Variants in LGR6 observed in about 807,000 individuals in gnomAD.
LGR6 encodes the protein leucine rich repeat containing G protein-coupled receptor 6.
LGR6 carries 45 observed loss-of-function variants against 69.4 expected under a neutral mutation model. The observed-to-expected ratio is 0.65, with a 90% CI of 0.51 to 0.83. The LOEUF (loss-of-function observed/expected upper bound fraction) is 0.83, where lower values mean the gene tolerates loss of function less well. Ranked by LOEUF, LGR6 falls within the 40% of genes least tolerant of loss-of-function variation. The probability of loss-of-function intolerance (pLI) is 0.00; values close to 1 mark genes in which losing one functional copy is unlikely to be tolerated. For missense variants in LGR6, 1,108 were observed against 1,246.7 expected, an observed-to-expected ratio of 0.89 and a Z score of 1.68; for synonymous variants, 538 against 555.0, an observed-to-expected ratio of 0.97 and a Z score of 0.43.
chr1:202,224,182 T>C (rs1251848811), intron 1 of LGR6, among the ~76,000 whole-genome samples: 2 of 152,046 alleles, frequency 1.3e-5, no homozygotes, highest in Non-Finnish European at 2.9e-5. Context: ...GAGATAATGA[T>C]GGAAGCTAAT....
At chr1:202,266,848 T>A (rs1664704107) in intron 4 of LGR6, among the ~76,000 whole-genome samples, 2 of 152,032 alleles carry the variant, frequency 1.3e-5, no homozygotes, top group Admixed American at 1.3e-4. Flanking sequence ...TTCCCTCAAC[T>A]CTTGGTGCAC....
intron 1 of LGR6, among the ~76,000 whole-genome samples, chr1:202,218,490 G>A (rs1659932180): frequency 6.6e-6 from 1 of 152,136 alleles, no homozygotes; most frequent in African/African-American, 2.4e-5. Context: ...TAGGGATGAG[G>A]TCTCGCAATG....
At chr1:202,217,187 T>C (rs1195067846) in intron 1 of LGR6, among the ~76,000 whole-genome samples, 1 of 152,228 alleles carries the variant, frequency 6.6e-6, no homozygotes, top group Non-Finnish European at 1.5e-5. Context: ...TGGCATGCTG[T>C]TGCTGTCAGA....
intron 1 of LGR6, among the ~76,000 whole-genome samples, chr1:202,211,140 C>T (rs1302058575): frequency 2.6e-5 from 4 of 152,334 alleles, no homozygotes; most frequent in East Asian, 1.9e-4. Context: ...CACCAAAGCC[C>T]ATGGCCATGC....
chr1:202,232,276 A>G (rs1398955095), intron 3 of LGR6, among the ~76,000 whole-genome samples: 7 of 152,080 alleles, frequency 4.6e-5, no homozygotes, highest in Non-Finnish European at 1.0e-4. Context: ...CCACAGGTGG[A>G]TCACCTCTTT....
chr1:202,296,697 T>C (rs1016679302), intron 6 of LGR6, among the ~76,000 whole-genome samples: 10 of 152,366 alleles, frequency 6.6e-5, no homozygotes, highest in African/African-American at 2.4e-4. Context: ...CTGTGGTCAC[T>C]TATGGGTCAA....
intron 11 of LGR6, 149 bp downstream of exon 11, chr1:202,304,779 G>GT: frequency 1.9e-6 from 1 of 517,890 alleles, no homozygotes; most frequent in Non-Finnish European, 3.4e-6. Context: ...TACCCCAGAA[G>GT]GACCGGGTTT....
At position 202,223,032 on chromosome 1, in the gene LGR6, C is replaced by T. The variant is rs141771919; in HGVS notation, c.213-2391C>T. Among the ~76,000 whole-genome samples the T allele has an allele frequency of 2.9e-3, 438 of 150,362 alleles. 5 individuals carry two copies. Among genetic ancestry groups the T allele is most frequent in the Non-Finnish European group, 5.2e-4 (35 of 67,474 alleles). ...AGGAGAATCACTTGAGCCCCGGAGG[C>T]GAAGGTTGCAGTGAGCCGAGATCAC... On this transcript the variant is annotated intron_variant, in intron 1 of 17. Coordinates refer to ENST00000367278, the MANE Select transcript of LGR6 (RefSeq NM_001017403.2).
chr1:202,207,867 A>G (rs1659312698), intron 1 of LGR6, among the ~76,000 whole-genome samples: 1 of 152,228 alleles, frequency 6.6e-6, no homozygotes, highest in African/African-American at 2.4e-5. Context: ...ACCTGTGAAT[A>G]TGTATTAAGT....
At chr1:202,202,103 T>C (rs1333771685) in intron 1 of LGR6, among the ~76,000 whole-genome samples, 1 of 152,004 alleles carries the variant, frequency 6.6e-6, no homozygotes, top group Admixed American at 6.6e-5. Flanking sequence ...GAGAAGAGGC[T>C]TGAGTCCTGA....
At chr1:202,232,926 ACCTT>A (rs1661212018) in intron 3 of LGR6, among the ~76,000 whole-genome samples, 1 of 152,064 alleles carries the variant, frequency 6.6e-6, no homozygotes, top group African/African-American at 2.4e-5. Context: ...TTTCCTTCCA[ACCTT>A]TATAACCCAG....
intron 4 of LGR6, among the ~76,000 whole-genome samples, chr1:202,248,764 G>T (rs1279067698): frequency 6.6e-6 from 1 of 152,188 alleles, no homozygotes; most frequent in African/African-American, 2.4e-5. Context: ...AAAAGGACAA[G>T]TCCAGCTCTC....
Position 202,276,483 on chromosome 1 carries a change from C to T in LGR6, c.606C>T (p.Pro202=), listed in dbSNP as rs773251325. 47 of 1,614,032 alleles carry T rather than the reference C, an allele frequency of 2.9e-5. No individual in the cohort carries two copies. In the South Asian group the frequency reaches 4.7e-4, roughly 16 times the overall value. Residue 202 remains proline, a synonymous_variant, in exon 5 of 18, where the codon CCC becomes CCT. Transcript: ENST00000367278. ...CCCTCAACCGCATCAGCCACATCCC[C>T]GACTACGCGTTCCAGAATCTCACCA... is the stretch of plus-strand genomic sequence containing the variant. ...TLALNRISHI[P]DYAFQNLTSL...
chr1:202,236,661 C>T (rs1488366269), intron 4 of LGR6, among the ~76,000 whole-genome samples: 1 of 152,224 alleles, frequency 6.6e-6, no homozygotes, highest in African/African-American at 2.4e-5. Context: ...AGGCCTGGAA[C>T]ACAGTAGGTG....
chr1:202,299,253 CTG>C (rs1185078036), intron 7 of LGR6, among the ~76,000 whole-genome samples: 3 of 134,036 alleles, frequency 2.2e-5, no homozygotes, highest in Non-Finnish European at 4.6e-5. Context: ...AAGTGAGACT[CTG>C]TCTCAAAAAA....
At chr1:202,296,811 A>G (rs1558071402) in intron 6 of LGR6, among the ~76,000 whole-genome samples, 1 of 152,214 alleles carries the variant, frequency 6.6e-6, no homozygotes, top group Non-Finnish European at 1.5e-5. Context: ...TTTAATTTGA[A>G]AAGATGTTAT....
At chr1:202,209,441 A>C (rs1237329488) in intron 1 of LGR6, among the ~76,000 whole-genome samples, 4 of 152,134 alleles carry the variant, frequency 2.6e-5, no homozygotes, top group Non-Finnish European at 5.9e-5. Context: ...CATCTTTGTG[A>C]GAAATAGAAA....
intron 1 of LGR6, among the ~76,000 whole-genome samples, chr1:202,203,562 A>G (rs563515910): frequency 2.7e-5 from 4 of 149,950 alleles, no homozygotes; most frequent in Non-Finnish European, 4.5e-5. Context: ...CATTCATTCA[A>G]TCACTCATTT....
intron 14 of LGR6, among the ~76,000 whole-genome samples, chr1:202,307,695 C>T (rs1043494819): frequency 1.3e-5 from 2 of 152,180 alleles, no homozygotes; most frequent in African/African-American, 4.8e-5. Context: ...CTCTATCCAC[C>T]AACAAAGAGG....
Sources: allele counts gnomAD v4.1 joint callset (sites outside exome capture counted in the v4.1 genomes callset), GRCh38; gene constraint gnomAD v4.1.1; transcripts MANE v1.5; gene names NCBI Gene and HGNC (gene_info 2026-07-23, HGNC 2026-07-21).